PTPRD: variants seen among roughly 807,000 people sequenced by gnomAD.
PTPRD encodes the protein protein tyrosine phosphatase receptor type D, also known as receptor-type tyrosine-protein phosphatase delta.
Under a neutral mutation model 214.5 loss-of-function variants are expected in PTPRD, and 34 were observed. The observed-to-expected ratio is 0.16, with a 90% CI of 0.12 to 0.21. The LOEUF (loss-of-function observed/expected upper bound fraction) is 0.21. Ranked by LOEUF, PTPRD falls within the 10% of genes least tolerant of loss-of-function variation. PTPRD has a pLI of 1.00. For missense variants in PTPRD, 2,545 were observed against 2,398.7 expected, an observed-to-expected ratio of 1.06 and a Z score of -1.27; for synonymous variants, 1,128 against 845.7, an observed-to-expected ratio of 1.33 and a Z score of -5.79.
intron 6 of PTPRD, among the ~76,000 whole-genome samples, chr9:9,764,526 T>A (rs754643794): frequency 6.6e-6 from 1 of 152,172 alleles, no homozygotes; most frequent in Non-Finnish European, 1.5e-5. Context: ...TTAGAATCAT[T>A]CCTCTTCTAT....
At chr9:9,466,115 C>G (rs1342948349) in intron 8 of PTPRD, among the ~76,000 whole-genome samples, 2 of 151,940 alleles carry the variant, frequency 1.3e-5, no homozygotes, top group Admixed American at 6.6e-5. Flanking sequence ...CCTGACCAGC[C>G]TGGCCAACAT....
At chr9:9,581,427 T>A (rs1358284050) in intron 7 of PTPRD, among the ~76,000 whole-genome samples, 2 of 152,144 alleles carry the variant, frequency 1.3e-5, no homozygotes, top group African/African-American at 2.4e-5. Context: ...AAATAAATGC[T>A]TTAAAAAATA....
At chr9:8,665,476 G>T (rs1366225826) in intron 12 of PTPRD, among the ~76,000 whole-genome samples, 3 of 152,194 alleles carry the variant, frequency 2.0e-5, no homozygotes, top group African/African-American at 2.4e-5. Context: ...CCTTTGAACA[G>T]CTACTGAGAG....
chr9:10,254,749 C>A (rs2093099875), intron 3 of PTPRD, among the ~76,000 whole-genome samples: 1 of 152,100 alleles, frequency 6.6e-6, no homozygotes, highest in African/African-American at 2.4e-5. Flanking sequence ...GATTTTCTGT[C>A]CTGCTCAGGG....
intron 7 of PTPRD, among the ~76,000 whole-genome samples, chr9:9,696,707 G>T (rs2097381054): frequency 6.6e-6 from 1 of 152,044 alleles, no homozygotes; most frequent in African/African-American, 2.4e-5. Flanking sequence ...TAGGTGAAAT[G>T]GGTTTCTTGT....
intron 11 of PTPRD, among the ~76,000 whole-genome samples, chr9:8,999,940 T>G (rs926978193): frequency 2.6e-5 from 4 of 152,028 alleles, no homozygotes; most frequent in African/African-American, 7.2e-5. Flanking sequence ...AGGGTCAAAG[T>G]ATCTGAGAAG....
At chr9:9,081,992 C>A (rs2099759851) in intron 10 of PTPRD, among the ~76,000 whole-genome samples, 1 of 151,744 alleles carries the variant, frequency 6.6e-6, no homozygotes, top group Non-Finnish European at 1.5e-5. Context: ...CAAAAAAAGC[C>A]CAAGACCAGA....
At chr9:8,655,006 A>C (rs1278325837) in intron 12 of PTPRD, among the ~76,000 whole-genome samples, 1 of 152,180 alleles carries the variant, frequency 6.6e-6, no homozygotes, top group Non-Finnish European at 1.5e-5. Flanking sequence ...ACGTAGGATA[A>C]TAGGAATTCA....
At chr9:8,344,867 T>C (rs1033243159) in intron 39 of PTPRD, among the ~76,000 whole-genome samples, 1 of 142,790 alleles carries the variant, frequency 7.0e-6, no homozygotes, top group Non-Finnish European at 1.6e-5. Flanking sequence ...GTGAGTCTAA[T>C]TATCCAGTAA....
At chr9:9,375,590 C>T (rs761282518) in intron 9 of PTPRD, among the ~76,000 whole-genome samples, 10 of 151,854 alleles carry the variant, frequency 6.6e-5, no homozygotes, top group South Asian at 2.1e-4. Flanking sequence ...GGCAAGACTC[C>T]GTCTCAAAAA....
chr9:10,496,288 G>T (rs1347017504), intron 2 of PTPRD, among the ~76,000 whole-genome samples: 1 of 151,776 alleles, frequency 6.6e-6, no homozygotes, highest in Non-Finnish European at 1.5e-5. Flanking sequence ...AGTACAGAAA[G>T]ATAAAATTTT....
At chr9:8,737,944 C>T (rs928857117) in intron 11 of PTPRD, among the ~76,000 whole-genome samples, 1 of 151,522 alleles carries the variant, frequency 6.6e-6, no homozygotes, top group South Asian at 2.1e-4. Context: ...CCACTGCACC[C>T]GGCTCTCTGT....
intron 11 of PTPRD, among the ~76,000 whole-genome samples, chr9:8,886,495 T>G (rs1416341742): frequency 1.3e-5 from 2 of 152,242 alleles, no homozygotes; most frequent in Non-Finnish European, 2.9e-5. Context: ...AATTACCTTA[T>G]AGCTCTTTTT....
At chr9:8,591,483 G>A (rs1343370754) in intron 14 of PTPRD, among the ~76,000 whole-genome samples, 2 of 151,988 alleles carry the variant, frequency 1.3e-5, no homozygotes, top group African/African-American at 4.8e-5. Flanking sequence ...TTTTTTATTG[G>A]CAGGTTGGAT....
chr9:8,664,914 C>G (rs192442817), intron 12 of PTPRD, among the ~76,000 whole-genome samples: 115 of 152,324 alleles, frequency 7.5e-4, no homozygotes, highest in Non-Finnish European at 1.1e-3. Flanking sequence ...TAACAGTACA[C>G]TGAAGACCTA....
At chr9:10,386,943 G>A (rs1054247121) in intron 2 of PTPRD, among the ~76,000 whole-genome samples, 41 of 151,808 alleles carry the variant, frequency 2.7e-4, no homozygotes, top group African/African-American at 9.4e-4. Context: ...GAAGAGGGAG[G>A]CAGGAGAGTC....
intron 2 of PTPRD, among the ~76,000 whole-genome samples, chr9:10,433,879 A>G (rs557184917): frequency 2.6e-5 from 4 of 151,870 alleles, no homozygotes; most frequent in Admixed American, 6.6e-5. Flanking sequence ...TAGTCTCACA[A>G]TTGATCAGAA....
intron 3 of PTPRD, among the ~76,000 whole-genome samples, chr9:10,206,753 G>C (rs1206213388): frequency 2.0e-5 from 3 of 152,094 alleles, no homozygotes; most frequent in African/African-American, 7.2e-5. Context: ...TATAGGTCCT[G>C]ATCATAGCAG....
chr9:9,929,581 A>T (rs186833083), intron 5 of PTPRD, among the ~76,000 whole-genome samples: 1 of 152,100 alleles, frequency 6.6e-6, no homozygotes, highest in East Asian at 1.9e-4. Flanking sequence ...TTTAGTAGAG[A>T]CAGGGTTTCA....
Sources: allele counts gnomAD v4.1 joint callset (sites outside exome capture counted in the v4.1 genomes callset), GRCh38; gene constraint gnomAD v4.1.1; transcripts MANE v1.5; gene names NCBI Gene and HGNC (gene_info 2026-07-23, HGNC 2026-07-21).